Variants in FBL observed in about 807,000 individuals in gnomAD.
FBL encodes fibrillarin rRNA 2'-O-methyltransferase, also known as rRNA 2'-O-methyltransferase fibrillarin.
Under a neutral mutation model 42.2 loss-of-function variants are expected in FBL, and 10 were observed. The ratio of observed to expected loss-of-function variants is 0.24; its 90% confidence interval spans 0.15 to 0.40. The LOEUF (loss-of-function observed/expected upper bound fraction) is 0.40, where lower values mean the gene tolerates loss of function less well. Ranked by LOEUF, FBL falls within the 10% of genes least tolerant of loss-of-function variation. FBL has a pLI of 1.00. For missense variants in FBL, 351 were observed against 439.2 expected (o/e 0.80, Z 1.79); for synonymous variants, 165 against 165.4 (o/e 1.00, Z 0.02).
At position 39,846,335 on chromosome 19, in the gene FBL, G is replaced by A. The variant is rs373111008; in HGVS notation, c.-35C>T. ...TGGTTTGTGCGGCTCCGGAGTCCGCGGCGTTCACAACTCCACGAGTCCGGG... is the reference window on the plus strand; with the variant it reads ...TGGTTTGTGCGGCTCCGGAGTCCGCAGCGTTCACAACTCCACGAGTCCGGG... On this transcript the variant is annotated 5_prime_UTR_variant, in exon 1 of 9. Transcript: ENST00000221801. 6.2e-7 allele frequency: 1 copy of A among 1,612,298 alleles called. No homozygotes were observed. The highest frequency in any genetic ancestry group is 1.7e-5 in the Admixed American group (1 of 59,966).
chr19:39,846,372 T>C lies in FBL; in HGVS notation c.-72A>G. ...TCCACGAGTCCGGGGCTTTCGCACG[T>C]GGAAAAGAGCGCAGGCGCGCGGCGA... On this transcript the variant is annotated 5_prime_UTR_variant, in exon 1 of 9. Coordinates refer to ENST00000221801, the MANE Select transcript of FBL (RefSeq NM_001436.4). The C allele has an allele frequency of 2.5e-6, 4 of 1,592,788 alleles. No individual in the cohort carries two copies. The highest frequency in any genetic ancestry group is 1.7e-5 in the Admixed American group (1 of 59,190).
At chr19:39,842,089 CTTT>C (rs35883024) in intron 1 of FBL, among the ~76,000 whole-genome samples, 1 of 142,852 alleles carries the variant, frequency 7.0e-6, no homozygotes. Context: ...CATAAGCTTG[CTTT>C]TTTTTTTTTT....
In FBL at chr19:39,840,918, A is replaced by C. The variant is rs1194793704; in HGVS notation, c.11-131T>G. 4.7e-6 allele frequency: 4 copies of C among 851,496 alleles called. No individual in the cohort carries two copies. The highest frequency in any genetic ancestry group is 6.8e-6 in the Non-Finnish European group (4 of 588,530). 52.7% of individuals were successfully genotyped at this position (851,496 alleles called of 1,614,324 possible). A position where few individuals can be genotyped will look rare whatever the true frequency, so the allele number is the denominator to read the frequency against. ...GTGTACAGCAGGACACATTTCCAAG[A>C]ATGTCCACAGCAAAAGAAAAGTGAA... On this transcript the variant is annotated intron_variant, in intron 1 of 8. Coordinates refer to ENST00000221801, the MANE Select transcript of FBL (RefSeq NM_001436.4). The surrounding 1 kb of genome is among the most constrained non-coding windows in gnomAD (Gnocchi z 4.5).
chr19:39,834,552 T>C lies in FBL; in HGVS notation c.952A>G (p.Lys318Glu), dbSNP rs1568537844. The change falls in exon 9 of 9, where the codon AAG (lysine) becomes GAG (glutamate). Residue 318 changes from lysine (K) to glutamate (E), a missense_variant. Transcript: ENST00000221801. ...AGCGCTGAACTTCAGTTCTTCACCTTGGGGGGTGGCCTGTGAGAGGAAGAT... is the reference window on the plus strand; with the variant it reads ...AGCGCTGAACTTCAGTTCTTCACCTCGGGGGGTGGCCTGTGAGAGGAAGAT... ...VVVGVYRPPP[K>E]VKN 3 of 1,614,074 alleles carry C rather than the reference T, an allele frequency of 1.9e-6. No homozygotes were observed. Among genetic ancestry groups the C allele is most frequent in the Non-Finnish European group, 2.5e-6 (3 of 1,180,002 alleles).
At position 39,837,699 on chromosome 19, in the gene FBL, C is replaced by A. The variant is rs62621202; in HGVS notation, c.682+12G>T. On this transcript the variant is annotated intron_variant, in intron 6 of 8. Coordinates refer to ENST00000221801, the MANE Select transcript of FBL (RefSeq NM_001436.4). ...TGTCCTACCCCACCGGGGCCACCCC[C>A]AGACCCCTCACCGATGAGCATGCGG... is the stretch of plus-strand genomic sequence containing the variant. 148,415 of 1,557,682 alleles carry A rather than the reference C, an allele frequency of 0.095. 7,691 individuals carry two copies. The highest frequency in any genetic ancestry group is 0.11 in the Non-Finnish European group (121,573 of 1,155,334).
At position 39,840,615 on chromosome 19, in the gene FBL, A is replaced by ACCACCTCTT. The variant is rs1269325778; in HGVS notation, c.174_181+1dup. The ACCACCTCTT allele has an allele frequency of 8.1e-6, 13 of 1,613,146 alleles. No homozygotes were observed. Among genetic ancestry groups the ACCACCTCTT allele is most frequent in the Non-Finnish European group, 1.1e-5 (13 of 1,179,674 alleles). On this transcript the variant is annotated splice_donor_variant, in intron 2 of 8. Transcript: ENST00000221801. LOFTEE classifies it high-confidence loss of function. The surrounding 1 kb of genome is among the most constrained non-coding windows in gnomAD (Gnocchi z 4.5). ...TCCTCTGTAACCCCTAGCCAATCTTACCACCTCTTCCTCCTCCTCCACCGC... is the reference window on the plus strand; with the variant it reads ...TCCTCTGTAACCCCTAGCCAATCTTACCACCTCTTCCACCTCTTCCTCCTCCTCCACCGC...
intron 1 of FBL, among the ~76,000 whole-genome samples, chr19:39,843,962 T>A (rs1267147996): frequency 6.6e-6 from 1 of 152,160 alleles, no homozygotes; most frequent in Non-Finnish European, 1.5e-5. Flanking sequence ...AAAACACATG[T>A]TCACACAAAC....
At chr19:39,838,795 T>C (rs962291152) in intron 5 of FBL, 16 of 437,734 alleles carry the variant, frequency 3.7e-5, no homozygotes, top group Middle Eastern at 5.8e-4. Context: ...ATACTCCCCG[T>C]TGTCTCTCTA....
In FBL at chr19:39,834,733, C is replaced by T. The variant is rs1568538073; in HGVS notation, c.876G>A (p.Lys292=). The change falls in exon 8 of 9, where the codon AAG becomes AAA. Residue 292 remains lysine, a synonymous_variant. Coordinates refer to ENST00000221801, the MANE Select transcript of FBL (RefSeq NM_001436.4). ...EVKKMQQENM[K]PQEQLTLEPY... is the part of the protein sequence containing the mutation. ...GCTCAAGGGTCAACTGCTCCTGCGG[C>T]TTCATGTTCTCCTGTTGCATCTTTT... The T allele has an allele frequency of 1.2e-6, 2 of 1,614,156 alleles. No homozygotes were observed. The highest frequency in any genetic ancestry group is 1.7e-6 in the Non-Finnish European group (2 of 1,180,010).
At chr19:39,839,748 T>C (rs1306198531) in intron 4 of FBL, among the ~76,000 whole-genome samples, 3 of 151,806 alleles carry the variant, frequency 2.0e-5, no homozygotes, top group Non-Finnish European at 4.4e-5. Flanking sequence ...GGAAGGACAT[T>C]CCCACGAGAG....
rs973763500 is a variant in FBL at position 39,836,824 on chromosome 19, C to G, written c.683-156G>C. 2.0e-4 allele frequency among the ~76,000 whole-genome samples: 30 copies of G among 152,234 alleles called. 3 individuals are homozygous for G. The stretch of plus-strand genomic sequence containing the variant: ...CACTGGTCCCCCTCCCTCCAGTGTC[C>G]CAAGATGAGTCCAAAACCCACAGTC... On this transcript the variant is annotated intron_variant, in intron 6 of 8. Coordinates refer to ENST00000221801, the MANE Select transcript of FBL (RefSeq NM_001436.4).
intron 6 of FBL, 77 bp from the exon 7 acceptor site, chr19:39,836,745 T>C: frequency 9.4e-7 from 1 of 1,063,544 alleles, no homozygotes; most frequent in Non-Finnish European, 1.4e-6. Flanking sequence ...CCTATGCCCA[T>C]CACCAGCAGG....
intron 1 of FBL, among the ~76,000 whole-genome samples, chr19:39,844,963 T>A (rs953771364): frequency 6.6e-6 from 1 of 152,072 alleles, no homozygotes; most frequent in African/African-American, 2.4e-5. Flanking sequence ...TATGAGGGAA[T>A]CACAGACCAG....
Position 39,840,206 on chromosome 19 carries a change from T to G in FBL, c.378+27A>C, listed in dbSNP as rs769241920. On this transcript the variant is annotated intron_variant, in intron 4 of 8. Transcript: ENST00000221801. This position sits in a 1 kb window ranked among gnomAD's most constrained non-coding sequence, Gnocchi z 4.5. ...GCTACACCCTCAGCTGCGACCCTGGTGGCTTGGACAGGGGCCCAGTTCTCA... is the reference window on the plus strand; with the variant it reads ...GCTACACCCTCAGCTGCGACCCTGGGGGCTTGGACAGGGGCCCAGTTCTCA... 1 of 1,554,180 alleles carries G rather than the reference T, an allele frequency of 6.4e-7. No individual in the cohort carries two copies. Among genetic ancestry groups the G allele is most frequent in the South Asian group, 1.1e-5 (1 of 89,826 alleles).
In FBL at chr19:39,834,750, G is replaced by T. The variant is rs147629626; in HGVS notation, c.859C>A (p.Gln287Lys). The T allele has an allele frequency of 1.2e-6, 2 of 1,614,180 alleles. No homozygotes were observed. Among genetic ancestry groups the T allele is most frequent in the Non-Finnish European group, 1.7e-6 (2 of 1,180,042 alleles). The change falls in exon 8 of 9, where the codon CAA (glutamine) becomes AAA (lysine). Residue 287 changes from glutamine to lysine, a missense_variant. By Grantham distance (53) the Gln-to-Lys change is moderately conservative. Transcript: ENST00000221801. The part of the protein sequence containing the change: ...AVFASEVKKM[Q>K]QENMKPQEQL... ...TCCTGCGGCTTCATGTTCTCCTGTT[G>T]CATCTTTTTCACTTCGGAGGCAAAC...
At position 39,837,723 on chromosome 19, in the gene FBL, G is replaced by C. The variant is rs762338012; in HGVS notation, c.670C>G (p.Arg224Gly). ...IEDARHPHKY[R>G]MLIAMVDVIF... Reference sequence around the variant, plus strand: ...CCAGACCCCTCACCGATGAGCATGCGGTATTTGTGTGGGTGTCGAGCATCC... The same window carrying C: ...CCAGACCCCTCACCGATGAGCATGCCGTATTTGTGTGGGTGTCGAGCATCC... The change falls in exon 6 of 9, where the codon CGC becomes GGC. Residue 224 changes from arginine (R) to glycine (G), a missense_variant. Physicochemically the swap from Arg to Gly is moderately radical, Grantham distance 125. Transcript: ENST00000221801. 3 of 1,580,204 alleles carry C rather than the reference G, an allele frequency of 1.9e-6. No homozygotes were observed. Among genetic ancestry groups the C allele is most frequent in the Admixed American group, 1.8e-5 (1 of 56,260 alleles).
chr19:39,834,962 C>G (rs898424536), intron 7 of FBL, 149 bp from the exon 8 acceptor site: 9 of 819,718 alleles, frequency 1.1e-5, no homozygotes, highest in Non-Finnish European at 1.7e-5. Flanking sequence ...GTGTTGGAAA[C>G]GTAACCCTTA....
chr19:39,846,334 C>T lies in FBL; in HGVS notation c.-34G>A. ...CTGGTTTGTGCGGCTCCGGAGTCCG[C>T]GGCGTTCACAACTCCACGAGTCCGG... On this transcript the variant is annotated 5_prime_UTR_variant, in exon 1 of 9. Coordinates refer to ENST00000221801, the MANE Select transcript of FBL (RefSeq NM_001436.4). The T allele has an allele frequency of 6.2e-7, 1 of 1,612,366 alleles. No homozygotes were observed.
In FBL at chr19:39,836,625, C is replaced by G; in HGVS notation, c.726G>C (p.Gln242His). The change falls in exon 7 of 9, where the codon CAG (glutamine) becomes CAC (histidine). Residue 242 changes from glutamine to histidine, a missense_variant. Transcript: ENST00000221801. ...GGGCATTCAGGGCCACAATCCGGGT[C>G]TGGTCTGGCTGGGCCACATCAGCAA... is the stretch of plus-strand genomic sequence containing the variant. ...VIFADVAQPD[Q>H]TRIVALNAHT... 2 of 1,614,194 alleles carry G rather than the reference C, an allele frequency of 1.2e-6. No individual in the cohort carries two copies. Among genetic ancestry groups the G allele is most frequent in the Non-Finnish European group, 1.7e-6 (2 of 1,180,014 alleles).
Sources: allele counts gnomAD v4.1 joint callset (sites outside exome capture counted in the v4.1 genomes callset), GRCh38; gene constraint gnomAD v4.1.1; non-coding constraint Gnocchi (gnomAD v3.1); transcripts MANE v1.5; gene names NCBI Gene and HGNC (gene_info 2026-07-23, HGNC 2026-07-21).